Variants in ARAP2 observed in about 807,000 individuals in gnomAD.
The protein encoded by ARAP2 is ArfGAP with RhoGAP domain, ankyrin repeat and PH domain 2.
In ARAP2, 148 loss-of-function variants were observed where a neutral mutation model predicts 194.5. That is an observed-to-expected ratio of 0.76 (90% CI 0.67 to 0.87). The LOEUF is 0.87. Ranked by LOEUF, ARAP2 falls within the 40% of genes least tolerant of loss-of-function variation. The pLI is 0.00. For missense variants in ARAP2, 2,128 were observed against 1,989.7 expected (o/e 1.07, Z -1.32); for synonymous variants, 695 against 683.5 (o/e 1.02, Z -0.26).
chr4:36,214,401 A>G (rs758931780), intron 3 of ARAP2, 21 bp downstream of exon 3: 2 of 1,576,268 alleles, frequency 1.3e-6, no homozygotes, highest in East Asian at 4.6e-5. Flanking sequence ...ATTTAAGGAG[A>G]CATTAAACAC....
intron 19 of ARAP2, among the ~76,000 whole-genome samples, chr4:36,137,407 A>G (rs1727108036): frequency 1.3e-5 from 2 of 151,900 alleles, no homozygotes; most frequent in African/African-American, 4.8e-5. Context: ...GCACATATGT[A>G]TAAATCCAAT....
At chr4:36,133,794 TTCC>T (rs1391182540) in intron 19 of ARAP2, among the ~76,000 whole-genome samples, 2 of 151,792 alleles carry the variant, frequency 1.3e-5, no homozygotes, top group African/African-American at 4.8e-5. Flanking sequence ...TTTCTGGATT[TTCC>T]TCCTATCATT....
chr4:36,020,793 A>C (rs1716797107), intron 5 of ARAP2, among the ~76,000 whole-genome samples: 1 of 152,196 alleles, frequency 6.6e-6, no homozygotes, highest in Non-Finnish European at 1.5e-5. Flanking sequence ...GCCTGGATGG[A>C]GATGATATCT....
At chr4:36,115,194 G>T (rs917108425) in intron 25 of ARAP2, among the ~76,000 whole-genome samples, 1 of 151,850 alleles carries the variant, frequency 6.6e-6, no homozygotes, top group African/African-American at 2.4e-5. Flanking sequence ...CAGGTAACTC[G>T]CAAAGTCTAC....
intron 27 of ARAP2, among the ~76,000 whole-genome samples, chr4:36,103,345 C>A (rs964493950): frequency 6.6e-6 from 1 of 151,574 alleles, no homozygotes; most frequent in Non-Finnish European, 1.5e-5. Context: ...TTTCAAAAAA[C>A]TTTAGTGCTT....
At position 36,220,696 on chromosome 4, in the gene ARAP2, C is replaced by T. The variant is rs184391492; in HGVS notation, c.906-6216G>A. 4.6e-5 allele frequency among the ~76,000 whole-genome samples: 7 copies of T among 151,154 alleles called. No homozygotes were observed. In the East Asian group the frequency reaches 1.2e-3, roughly 25 times the overall value. ...CTGAAGACCTTCCAGAAGATGGGAACGTGGAAGAGTTGTAAATTTTATACC... is the reference window on the plus strand; with the variant it reads ...CTGAAGACCTTCCAGAAGATGGGAATGTGGAAGAGTTGTAAATTTTATACC... On this transcript the variant is annotated intron_variant, in intron 2 of 32. Transcript: ENST00000303965.
At chr4:36,095,692 C>T (rs1714976335) in intron 27 of ARAP2, among the ~76,000 whole-genome samples, 3 of 152,012 alleles carry the variant, frequency 2.0e-5, no homozygotes. Context: ...TTTGTGAGAA[C>T]ATCAAATTTG....
chr4:36,160,396 A>C, intron 13 of ARAP2, 63 bp downstream of exon 13: 1 of 1,367,288 alleles, frequency 7.3e-7, no homozygotes, highest in Non-Finnish European at 9.6e-7. Context: ...TTTTCTCAAG[A>C]ATCTTGGCAC....
At chr4:36,200,275 G>A in intron 6 of ARAP2, among the ~76,000 whole-genome samples, 1 of 148,570 alleles carries the variant, frequency 6.7e-6, no homozygotes, top group East Asian at 2.0e-4. Flanking sequence ...TTTTTTTTGA[G>A]ACACAGTTTT....
At chr4:36,108,593 A>G (rs1037744786) in intron 26 of ARAP2, among the ~76,000 whole-genome samples, 8 of 152,034 alleles carry the variant, frequency 5.3e-5, no homozygotes, top group Non-Finnish European at 1.2e-4. Context: ...CATCTTCAAT[A>G]TATCTCTCTG....
chr4:36,107,062 A>T (rs1384353465), intron 27 of ARAP2, among the ~76,000 whole-genome samples: 1 of 152,014 alleles, frequency 6.6e-6, no homozygotes, highest in East Asian at 1.9e-4. Flanking sequence ...TTAACCGTAC[A>T]TGAGCACTAT....
intron 26 of ARAP2, among the ~76,000 whole-genome samples, chr4:36,108,307 CTAAA>C (rs2109470695): frequency 6.6e-6 from 1 of 152,104 alleles, no homozygotes; most frequent in African/African-American, 2.4e-5. Context: ...TTGTCCGTTA[CTAAA>C]TAATAATCAT....
chr4:36,116,947 G>A (rs1391551838), intron 25 of ARAP2, 114 bp downstream of exon 25: 7 of 559,172 alleles, frequency 1.3e-5, no homozygotes, highest in East Asian at 1.1e-4. Flanking sequence ...GTTGTCAGTC[G>A]TTTGAACTGG....
intron 20 of ARAP2, among the ~76,000 whole-genome samples, chr4:36,132,680 T>G (rs1725713732): frequency 6.6e-6 from 1 of 151,824 alleles, no homozygotes; most frequent in Non-Finnish European, 1.5e-5. Flanking sequence ...ATCAATGTAT[T>G]TTTTATCTGC....
At chr4:36,215,286 A>G (rs748726062) in intron 2 of ARAP2, among the ~76,000 whole-genome samples, 11 of 152,220 alleles carry the variant, frequency 7.2e-5, no homozygotes, top group Non-Finnish European at 1.2e-4. Context: ...ATACAGTCCC[A>G]CACATCTTTG....
intron 1 of ARAP2, among the ~76,000 whole-genome samples, chr4:36,059,049 C>T (rs1171332945): frequency 6.6e-6 from 1 of 152,018 alleles, no homozygotes; most frequent in African/African-American, 2.4e-5. Context: ...CCTTTTCATG[C>T]CTAGTGATGC....
At chr4:36,078,461 A>T (rs1728741862) in intron 31 of ARAP2, among the ~76,000 whole-genome samples, 1 of 152,144 alleles carries the variant, frequency 6.6e-6, no homozygotes, top group Admixed American at 6.6e-5. Flanking sequence ...GTTAATTCGC[A>T]TACGTGTTTG....
At position 36,121,280 on chromosome 4, in the gene ARAP2, C is replaced by A; in HGVS notation, c.3793G>T (p.Ala1265Ser). 6.2e-7 allele frequency: 1 copy of A among 1,604,276 alleles called. No individual in the cohort carries two copies. Among genetic ancestry groups the A allele is most frequent in the Non-Finnish European group, 8.5e-7 (1 of 1,174,434 alleles). Residue 1265 changes from alanine (A) to serine (S), a missense_variant, in exon 23 of 33, where the codon GCC becomes TCC. Ala to Ser is a moderately conservative substitution (Grantham distance 99). Coordinates refer to ENST00000303965, the MANE Select transcript of ARAP2 (RefSeq NM_015230.4). ...AACAAACAGGATGAAAAGACCAAGG[C>A]CAAATTATGGGCATTCATGTGATTG... ...EINHMNAHNL[A>S]LVFSSCLFQT...
At chr4:36,023,828 A>G (rs1577569236) in intron 5 of ARAP2, among the ~76,000 whole-genome samples, 1 of 152,308 alleles carries the variant, frequency 6.6e-6, no homozygotes, top group East Asian at 1.9e-4. Context: ...ATTGTCCTGT[A>G]ATAAACTTGA....
Sources: gnomAD v4.1 joint callset for allele counts (sites outside exome capture counted in the v4.1 genomes callset) on GRCh38, gnomAD v4.1.1 for gene constraint, MANE v1.5 for transcripts, NCBI Gene and HGNC (gene_info 2026-07-23, HGNC 2026-07-21) for gene names.